Variants in STKLD1 observed in about 807,000 individuals in gnomAD.
STKLD1 encodes the protein serine/threonine kinase like domain containing 1.
STKLD1 carries 79 observed loss-of-function variants against 80.4 expected under a neutral mutation model. The observed-to-expected ratio is 0.98, with a 90% CI of 0.82 to 1.19. STKLD1 has a LOEUF of 1.19. Ranked by LOEUF, STKLD1 falls within the 50% of genes most tolerant of loss-of-function variation. The probability of loss-of-function intolerance (pLI) is 0.00; values close to 1 mark genes in which losing one functional copy is unlikely to be tolerated. For missense variants in STKLD1, 841 were observed against 856.0 expected, an observed-to-expected ratio of 0.98 and a Z score of 0.22; for synonymous variants, 393 against 357.6, an observed-to-expected ratio of 1.10 and a Z score of -1.12.
In STKLD1 at chr9:133,388,784, TG is replaced by T. The variant is rs2130282869; in HGVS notation, c.397-736del. On this transcript the variant is annotated intron_variant, in intron 5 of 17. Coordinates refer to ENST00000371957, the MANE Select transcript of STKLD1 (RefSeq NM_153710.5). ...CTGCTTTTACCCTGAGAACTGTGTT[TG>T]GGGGGACCATGTACCCCTGAGGGGC... 105 of 985,408 alleles carry T rather than the reference TG, an allele frequency of 1.1e-4. No homozygotes were observed. The African/African-American group carries it at 1.7e-3, about 16-fold the overall frequency. 61.0% of individuals were successfully genotyped at this position (985,408 alleles called of 1,614,324 possible). A position where few individuals can be genotyped will look rare whatever the true frequency, so the allele number is the denominator to read the frequency against.
Position 133,395,502 on chromosome 9 carries a change from C to A in STKLD1, c.703-98C>A, listed in dbSNP as rs1431072587. The A allele has an allele frequency of 2.2e-6, 3 of 1,372,232 alleles. No homozygotes were observed. The African/African-American group carries it at 4.3e-5, about 20-fold the overall frequency. The allele number at this position is 1,372,232 out of a possible 1,614,324, so 85.0% of individuals were successfully genotyped here. A position where few individuals can be genotyped will look rare whatever the true frequency, so the allele number is the denominator to read the frequency against. On this transcript the variant is annotated intron_variant, in intron 8 of 17. Transcript: ENST00000371957. ...GCCACACCTGGCTCTCCCTGGTCTC[C>A]TCCTGGATTTCTTGGTCCCTGGTCG... is the stretch of plus-strand genomic sequence containing the variant.
intron 16 of STKLD1, 67 bp downstream of exon 16, chr9:133,404,115 C>T (rs1435798147): frequency 3.4e-6 from 5 of 1,488,308 alleles, no homozygotes; most frequent in African/African-American, 1.4e-5. Flanking sequence ...CCATCAGTTA[C>T]ATCTGCCAGG....
chr9:133,403,703 T>G lies in STKLD1; in HGVS notation c.1478T>G (p.Ile493Ser). The change falls in exon 15 of 18, where the codon ATC (isoleucine) becomes AGC (serine). Residue 493 changes from isoleucine to serine, a missense_variant. Transcript: ENST00000371957. ...GLLWALLLDG[I>S]IVNKAPLEKV... ...TCCATCCCTGTCCTCGTTCCAGGTA[T>G]CATTGTGAACAAGGCCCCCTTGGAG... The G allele has an allele frequency of 6.2e-7, 1 of 1,613,316 alleles. No homozygotes were observed. Among genetic ancestry groups the G allele is most frequent in the Non-Finnish European group, 8.5e-7 (1 of 1,179,598 alleles).
In STKLD1 at chr9:133,395,704, C is replaced by T. The variant is rs1354530529; in HGVS notation, c.807C>T (p.Thr269=). 6.2e-7 allele frequency: 1 copy of T among 1,613,516 alleles called. No homozygotes were observed. The highest frequency in any genetic ancestry group is 1.1e-5 in the South Asian group (1 of 91,072). ...MEEKQIPDVE[T]FRNLLPLMLQ... is the part of the protein sequence containing the mutation. ...AGAAGCAGATCCCGGATGTGGAAAC[C>T]TTCAGGAATCTTCTGCCCTTGATGC... Residue 269 remains threonine (T), a synonymous_variant, in exon 9 of 18, where the codon ACC becomes ACT. Coordinates refer to ENST00000371957, the MANE Select transcript of STKLD1 (RefSeq NM_153710.5).
intron 13 of STKLD1, 48 bp from the exon 14 acceptor site, chr9:133,402,830 C>T: frequency 6.4e-7 from 1 of 1,572,816 alleles, no homozygotes; most frequent in South Asian, 1.2e-5. Flanking sequence ...GGCAGGAAGG[C>T]TTCCTGGAGG....
Position 133,382,399 on chromosome 9 carries a change from T to C in STKLD1, c.175-1457T>C, listed in dbSNP as rs1383355871. On this transcript the variant is annotated intron_variant, in intron 2 of 17. Coordinates refer to ENST00000371957, the MANE Select transcript of STKLD1 (RefSeq NM_153710.5). Reference sequence around the variant, plus strand: ...TTAGGAATATCTTCCATTTGTGCCATATGGTGGGGGCAGGAATGGTGGGAG... The same window carrying C: ...TTAGGAATATCTTCCATTTGTGCCACATGGTGGGGGCAGGAATGGTGGGAG... Among the ~76,000 whole-genome samples the C allele has an allele frequency of 1.2e-4, 18 of 152,182 alleles. 1 individual carries two copies. The highest frequency in any genetic ancestry group is 4.4e-5 in the Non-Finnish European group (3 of 68,028).
intron 2 of STKLD1, among the ~76,000 whole-genome samples, chr9:133,379,894 C>T (rs1392004634): frequency 1.3e-5 from 2 of 152,242 alleles, no homozygotes; most frequent in African/African-American, 4.8e-5. Context: ...TCAGTCCGTA[C>T]AGCTCCGCAG....
At chr9:133,399,920 C>T (rs77926044) in intron 11 of STKLD1, among the ~76,000 whole-genome samples, 8,217 of 151,446 alleles carry the variant, frequency 0.054, 321 homozygotes, top group Middle Eastern at 0.094. Flanking sequence ...CTTCGCTCCA[C>T]ACTCCAGGTG....
intron 7 of STKLD1, among the ~76,000 whole-genome samples, chr9:133,391,237 G>C (rs1046221829): frequency 6.8e-6 from 1 of 147,936 alleles, no homozygotes; most frequent in Non-Finnish European, 1.5e-5. Context: ...GGAGGGAGGT[G>C]GGGGGGTCAG....
chr9:133,394,469 GA>G lies in STKLD1; in HGVS notation c.702+64del. 2.3e-6 allele frequency: 3 copies of G among 1,290,918 alleles called. No homozygotes were observed. Among genetic ancestry groups the G allele is most frequent in the Non-Finnish European group, 3.4e-6 (3 of 888,374 alleles). The allele number at this position is 1,290,918 out of a possible 1,614,324, so 80.0% of individuals were successfully genotyped here. On this transcript the variant is annotated intron_variant, in intron 8 of 17. Coordinates refer to ENST00000371957, the MANE Select transcript of STKLD1 (RefSeq NM_153710.5). This position sits in a 1 kb window ranked among gnomAD's most constrained non-coding sequence, Gnocchi z 4.9. ...TGTTCCCCACGCGCCCAGGCCTGGG[GA>G]AAAGGCTTGGCCTCACCCTGCCTCC...
rs1386592029 is a variant in STKLD1 at position 133,389,581 on chromosome 9, TG to T, written c.454del (p.Asp152ThrfsTer25). On this transcript the variant is annotated frameshift_variant, in exon 6 of 18. Coordinates refer to ENST00000371957, the MANE Select transcript of STKLD1 (RefSeq NM_153710.5). LOFTEE classifies it high-confidence loss of function. The surrounding 1 kb of genome is among the most constrained non-coding windows in gnomAD (Gnocchi z 6.4). ...VLDALEYLHH[L>X]DIIHRNLKPS... ...GACGCGCTGGAATACCTGCACCATT[TG>T]GACATCATCCACAGGTAAGTGGGGC... The T allele has an allele frequency of 6.2e-7, 1 of 1,613,444 alleles. No individual in the cohort carries two copies. Among genetic ancestry groups the T allele is most frequent in the Non-Finnish European group, 8.5e-7 (1 of 1,179,956 alleles).
Position 133,390,846 on chromosome 9 carries a change from C to G in STKLD1, c.583+50C>G. On this transcript the variant is annotated intron_variant, in intron 7 of 17. Transcript: ENST00000371957. The surrounding 1 kb of genome is among the most constrained non-coding windows in gnomAD (Gnocchi z 5.1). Reference sequence around the variant, plus strand: ...GGGAGAGGGGGTTGGCGCCTAGAATCCAGGCGGCGTTGGCCACTCTGGGTG... The same window carrying G: ...GGGAGAGGGGGTTGGCGCCTAGAATGCAGGCGGCGTTGGCCACTCTGGGTG... The G allele has an allele frequency of 6.7e-7, 1 of 1,498,672 alleles. No individual in the cohort carries two copies. The highest frequency in any genetic ancestry group is 9.3e-7 in the Non-Finnish European group (1 of 1,076,260). The allele number at this position is 1,498,672 out of a possible 1,614,324, so 92.8% of individuals were successfully genotyped here. A position where few individuals can be genotyped will look rare whatever the true frequency, so the allele number is the denominator to read the frequency against.
chr9:133,395,913 C>T, intron 9 of STKLD1, 150 bp downstream of exon 9: 1 of 799,768 alleles, frequency 1.3e-6, no homozygotes, highest in Non-Finnish European at 1.9e-6. Flanking sequence ...GGGCTTTGCC[C>T]AGTTCTGGCT....
chr9:133,385,768 C>T lies in STKLD1; in HGVS notation c.294+77C>T, dbSNP rs2130275517. 47 of 1,337,550 alleles carry T rather than the reference C, an allele frequency of 3.5e-5. No homozygotes were observed. Among genetic ancestry groups the T allele is most frequent in the South Asian group, 2.8e-4 (23 of 83,078 alleles). The allele number at this position is 1,337,550 out of a possible 1,614,324, so 82.9% of individuals were successfully genotyped here. A position where few individuals can be genotyped will look rare whatever the true frequency, so the allele number is the denominator to read the frequency against. On this transcript the variant is annotated intron_variant, in intron 4 of 17. Coordinates refer to ENST00000371957, the MANE Select transcript of STKLD1 (RefSeq NM_153710.5). This position sits in a 1 kb window ranked among gnomAD's most constrained non-coding sequence, Gnocchi z 4.9. ...GACCAAGCAGACTGAGCCCAGAGCA[C>T]GCCCACCCCCCACTGTCAGAATAGC...
chr9:133,397,171 G>C lies in STKLD1; in HGVS notation c.874G>C (p.Val292Leu). Residue 292 changes from valine to leucine, a missense_variant, in exon 10 of 18, where the codon GTG becomes CTG. By Grantham distance (32) the Val-to-Leu change is conservative. Transcript: ENST00000371957. ...TCTCTGCTCCTCTGCTAGGGACGTG[G>C]TGCACATCACCTTCTTGAGAGGCTC... The part of the protein sequence containing the change: ...PSDRITIKDV[V>L]HITFLRGSFK... 1.2e-6 allele frequency: 2 copies of C among 1,613,802 alleles called. No individual in the cohort carries two copies. The highest frequency in any genetic ancestry group is 1.7e-6 in the Non-Finnish European group (2 of 1,180,012).
At chr9:133,399,385 A>C (rs1384747529) in intron 11 of STKLD1, among the ~76,000 whole-genome samples, 1 of 152,128 alleles carries the variant, frequency 6.6e-6, no homozygotes, top group African/African-American at 2.4e-5. Flanking sequence ...CAGAGGCCTC[A>C]TATGGGCCTA....
chr9:133,403,139 G>A (rs182801929), intron 14 of STKLD1, 127 bp downstream of exon 14: 2 of 1,013,216 alleles, frequency 2.0e-6, no homozygotes, highest in Non-Finnish European at 2.8e-6. Flanking sequence ...CATAGTCCGG[G>A]AAAGGCTCTT....
At chr9:133,387,914 G>C (rs999233805) in intron 5 of STKLD1, 1 of 468,452 alleles carries the variant, frequency 2.1e-6, no homozygotes, top group Admixed American at 2.3e-5. Flanking sequence ...TGTGAGCCCC[G>C]CGGTGCTGCT....
Position 133,389,594 on chromosome 9 carries a change from C to T in STKLD1, c.465C>T (p.His155=), listed in dbSNP as rs781832037. Residue 155 remains histidine, a splice_region_variant and synonymous_variant, in exon 6 of 18, where the codon CAC becomes CAT. Coordinates refer to ENST00000371957, the MANE Select transcript of STKLD1 (RefSeq NM_153710.5). This position sits in a 1 kb window ranked among gnomAD's most constrained non-coding sequence, Gnocchi z 6.4. The part of the protein sequence containing the change: ...LEYLHHLDII[H]RNLKPSNIIL... ...ACCTGCACCATTTGGACATCATCCACAGGTAAGTGGGGCCCCTGACCTCTG... is the reference window on the plus strand; with the variant it reads ...ACCTGCACCATTTGGACATCATCCATAGGTAAGTGGGGCCCCTGACCTCTG... 6.2e-7 allele frequency: 1 copy of T among 1,613,404 alleles called. No individual in the cohort carries two copies. The highest frequency in any genetic ancestry group is 8.5e-7 in the Non-Finnish European group (1 of 1,179,876).
Sources: gnomAD v4.1 joint callset for allele counts (sites outside exome capture counted in the v4.1 genomes callset) on GRCh38, gnomAD v4.1.1 for gene constraint, Gnocchi (gnomAD v3.1) non-coding constraint, MANE v1.5 for transcripts, NCBI Gene and HGNC (gene_info 2026-07-23, HGNC 2026-07-21) for gene names.